The following ASXL3 variants were observed in gnomAD, a reference collection of about 807,000 sequenced individuals.
ASXL3 encodes the protein ASXL transcriptional regulator 3, also known as putative Polycomb group protein ASXL3.
ASXL3 carries 34 observed loss-of-function variants against 170.6 expected under a neutral mutation model. The ratio of observed to expected loss-of-function variants is 0.20; its 90% confidence interval spans 0.15 to 0.27. ASXL3 has a LOEUF of 0.27. Ranked by LOEUF, ASXL3 falls within the 10% of genes least tolerant of loss-of-function variation. The probability of loss-of-function intolerance (pLI) is 1.00; values close to 1 mark genes in which losing one functional copy is unlikely to be tolerated. For synonymous variants in ASXL3, 1,002 were observed against 989.1 expected, an observed-to-expected ratio of 1.01 and a Z score of -0.24; for missense variants, 2,592 against 2,695.3, an observed-to-expected ratio of 0.96 and a Z score of 0.85.
chr18:33,675,294 G>A (rs1441497451), intron 7 of ASXL3, among the ~76,000 whole-genome samples: 1 of 152,164 alleles, frequency 6.6e-6, no homozygotes, highest in Non-Finnish European at 1.5e-5. Flanking sequence ...TCAGTGCAAA[G>A]GAGTGATCCC....
At chr18:33,678,274 A>G (rs919824239) in intron 7 of ASXL3, among the ~76,000 whole-genome samples, 1 of 152,112 alleles carries the variant, frequency 6.6e-6, no homozygotes, top group African/African-American at 2.4e-5. Flanking sequence ...GAGATCATGA[A>G]GAACTCTTTG....
intron 2 of ASXL3, among the ~76,000 whole-genome samples, chr18:33,641,569 A>G (rs1242313185): frequency 6.6e-6 from 1 of 152,066 alleles, no homozygotes; most frequent in Non-Finnish European, 1.5e-5. Flanking sequence ...GAACAAAATG[A>G]AAACATCGTA....
intron 5 of ASXL3, among the ~76,000 whole-genome samples, chr18:33,665,590 T>C (rs926484864): frequency 1.3e-5 from 2 of 152,196 alleles, no homozygotes; most frequent in Non-Finnish European, 2.9e-5. Flanking sequence ...GTTTTTTTGT[T>C]GTTAAAATAA....
chr18:33,707,558 A>G (rs867067122), intron 8 of ASXL3, among the ~76,000 whole-genome samples: 3 of 151,896 alleles, frequency 2.0e-5, no homozygotes, highest in South Asian at 2.1e-4. Context: ...TAATTCACGT[A>G]TTAATTTTAA....
At chr18:33,590,121 T>TTG (rs1568265393) in intron 1 of ASXL3, among the ~76,000 whole-genome samples, 7 of 148,202 alleles carry the variant, frequency 4.7e-5, no homozygotes, top group Non-Finnish European at 5.9e-5. Context: ...GTTTTTTTTT[T>TTG]TTTTTTTTTG....
chr18:33,628,186 G>A (rs2065628173), intron 2 of ASXL3, among the ~76,000 whole-genome samples: 1 of 152,076 alleles, frequency 6.6e-6, no homozygotes, highest in South Asian at 2.1e-4. Context: ...GGAAATTGGT[G>A]CTGAGAGAAG....
At chr18:33,646,050 A>T (rs534719307) in intron 3 of ASXL3, among the ~76,000 whole-genome samples, 195 bp from the exon 4 acceptor site, 128 of 152,182 alleles carry the variant, frequency 8.4e-4, no homozygotes, top group African/African-American at 1.7e-3. Flanking sequence ...ATCCAAAAAA[A>T]AAATCAACAG....
intron 8 of ASXL3, among the ~76,000 whole-genome samples, chr18:33,723,397 T>C (rs2067294888): frequency 6.6e-6 from 1 of 152,152 alleles, no homozygotes; most frequent in Admixed American, 6.5e-5. Flanking sequence ...ATTCTGATAC[T>C]TATAGATGAC....
chr18:33,708,160 T>C (rs948857315), intron 8 of ASXL3, among the ~76,000 whole-genome samples: 1 of 152,194 alleles, frequency 6.6e-6, no homozygotes, highest in African/African-American at 2.4e-5. Context: ...AAATATTCTA[T>C]CTGATGCCAA....
intron 4 of ASXL3, among the ~76,000 whole-genome samples, chr18:33,646,667 T>C (rs2065919356): frequency 6.6e-6 from 1 of 151,970 alleles, no homozygotes; most frequent in Admixed American, 6.6e-5. Flanking sequence ...TTCATTCTTA[T>C]GGGAGGACTG....
chr18:33,610,680 A>C (rs1425097010), intron 2 of ASXL3, among the ~76,000 whole-genome samples: 4 of 152,034 alleles, frequency 2.6e-5, no homozygotes, highest in Non-Finnish European at 5.9e-5. Flanking sequence ...GATACTCAAT[A>C]AACAGTTGTT....
chr18:33,664,262 C>T (rs996258227), intron 5 of ASXL3, among the ~76,000 whole-genome samples: 1 of 152,052 alleles, frequency 6.6e-6, no homozygotes, highest in African/African-American at 2.4e-5. Context: ...AATCCAGAAC[C>T]GTAGTTTCAG....
intron 5 of ASXL3, among the ~76,000 whole-genome samples, chr18:33,668,967 T>C (rs2066300765): frequency 6.6e-6 from 1 of 152,084 alleles, no homozygotes; most frequent in Non-Finnish European, 1.5e-5. Context: ...AGAAGTAGTT[T>C]AAATATATGC....
intron 8 of ASXL3, among the ~76,000 whole-genome samples, chr18:33,715,766 G>A (rs567058765): frequency 2.6e-5 from 4 of 152,032 alleles, no homozygotes; most frequent in Non-Finnish European, 5.9e-5. Flanking sequence ...AAAATTGAGG[G>A]GGTACATATC....
intron 7 of ASXL3, among the ~76,000 whole-genome samples, 174 bp from the exon 8 acceptor site, chr18:33,683,231 A>T (rs903092073): frequency 6.6e-6 from 1 of 152,190 alleles, no homozygotes; most frequent in African/African-American, 2.4e-5. Flanking sequence ...CAGACACATA[A>T]TGGAAGAAGC....
rs570649910 is a variant in ASXL3 at position 33,745,956 on chromosome 18, C to G, written c.6108C>G (p.Pro2036=). 3.6e-5 allele frequency: 55 copies of G among 1,536,028 alleles called. 2 individuals are homozygous for G. The Admixed American group carries it at 4.3e-4, about 12-fold the overall frequency. The change falls in exon 12 of 12, where the codon CCC becomes CCG. Residue 2036 remains proline (P), a synonymous_variant. Transcript: ENST00000269197. Reference sequence around the variant, plus strand: ...CCTTGGCTTTGCCCCCGCCTCCCCCCCCACCACCTCCGCTACCTCCACCTC... The same window carrying G: ...CCTTGGCTTTGCCCCCGCCTCCCCCGCCACCACCTCCGCTACCTCCACCTC... The part of the protein sequence containing the change: ...PPPLALPPPP[P]PPPPLPPPLP...
chr18:33,699,615 T>C (rs2066835123), intron 8 of ASXL3, among the ~76,000 whole-genome samples: 1 of 152,058 alleles, frequency 6.6e-6, no homozygotes, highest in South Asian at 2.1e-4. Flanking sequence ...TTTGGAGTGG[T>C]TTCAGAAGAG....
chr18:33,683,320 A>T (rs2066543307), intron 7 of ASXL3, 85 bp from the exon 8 acceptor site: 1 of 1,170,408 alleles, frequency 8.5e-7, no homozygotes, highest in African/African-American at 1.6e-5. Flanking sequence ...TGTTCACTAG[A>T]TATATGTGGC....
intron 8 of ASXL3, among the ~76,000 whole-genome samples, chr18:33,718,443 GTTA>G (rs1175173812): frequency 4.6e-5 from 7 of 152,138 alleles, no homozygotes; most frequent in African/African-American, 1.7e-4. Context: ...GTAGCATGCA[GTTA>G]TTATCTCCAT....
Sources: gnomAD v4.1 joint callset for allele counts (sites outside exome capture counted in the v4.1 genomes callset) on GRCh38, gnomAD v4.1.1 for gene constraint, MANE v1.5 for transcripts, NCBI Gene and HGNC (gene_info 2026-07-23, HGNC 2026-07-21) for gene names.